The following ANKHD1 variants were observed in gnomAD, a reference collection of about 807,000 sequenced individuals.
The protein encoded by ANKHD1 is ankyrin repeat and KH domain-containing protein 1.
In ANKHD1, 31 loss-of-function variants were observed where a neutral mutation model predicts 230.5. That is an observed-to-expected ratio of 0.13 (90% CI 0.10 to 0.18). ANKHD1 has a LOEUF of 0.18. Among genes scored for constraint, ANKHD1 ranks in the 10% least tolerant of loss-of-function variants. The probability of loss-of-function intolerance (pLI) is 1.00; values close to 1 mark genes in which losing one functional copy is unlikely to be tolerated. For synonymous variants in ANKHD1, 1,074 were observed against 1,117.6 expected, an observed-to-expected ratio of 0.96 and a Z score of 0.78; for missense variants, 2,256 against 3,071.3, an observed-to-expected ratio of 0.73 and a Z score of 6.27.
In ANKHD1 at chr5:140,527,117, C is replaced by A; in HGVS notation, c.5087+43C>A. ...CATCTTTTTAGCTTTCATATATTTTCCCTTTCTCATGTGAGATGGCTACCT... is the reference window on the plus strand; with the variant it reads ...CATCTTTTTAGCTTTCATATATTTTACCTTTCTCATGTGAGATGGCTACCT... On this transcript the variant is annotated intron_variant, in intron 27 of 33. Coordinates refer to ENST00000360839, the MANE Select transcript of ANKHD1 (RefSeq NM_017747.3). The surrounding 1 kb of genome is among the most constrained non-coding windows in gnomAD (Gnocchi z 4.5). 1 of 1,573,350 alleles carries A rather than the reference C, an allele frequency of 6.4e-7. No individual in the cohort carries two copies. The highest frequency in any genetic ancestry group is 1.4e-5 in the African/African-American group (1 of 73,206).
chr5:140,445,621 G>T, intron 5 of ANKHD1, 121 bp from the exon 6 acceptor site: 1 of 960,688 alleles, frequency 1.0e-6, no homozygotes. Context: ...TAGAGCATTA[G>T]CATAATCATA....
intron 7 of ANKHD1, among the ~76,000 whole-genome samples, chr5:140,452,277 A>T (rs1340206052): frequency 6.6e-6 from 1 of 152,248 alleles, no homozygotes; most frequent in African/African-American, 2.4e-5. Flanking sequence ...CTGTCTCTGT[A>T]GACTCCACCT....
At chr5:140,472,049 A>G (rs898177930) in intron 10 of ANKHD1, among the ~76,000 whole-genome samples, 11 of 152,180 alleles carry the variant, frequency 7.2e-5, no homozygotes, top group African/African-American at 2.7e-4. Flanking sequence ...AAAAACCATA[A>G]TATCACCCCC....
chr5:140,532,425 G>A (rs748104002), intron 29 of ANKHD1, among the ~76,000 whole-genome samples: 4 of 151,914 alleles, frequency 2.6e-5, no homozygotes, highest in African/African-American at 9.7e-5. Flanking sequence ...TAGCTTAGGG[G>A]TGCAGAATTT....
At chr5:140,402,357 G>A (rs1026201599) in intron 1 of ANKHD1, 84 bp downstream of exon 1, 4 of 1,375,566 alleles carry the variant, frequency 2.9e-6, no homozygotes, top group Non-Finnish European at 3.7e-6. Context: ...CCATCCTCCC[G>A]CTTCCCTGGT....
Position 140,527,715 on chromosome 5 carries a change from A to G in ANKHD1, c.5088-158A>G, listed in dbSNP as rs1227401698. On this transcript the variant is annotated intron_variant, in intron 27 of 33. Transcript: ENST00000360839. The surrounding 1 kb of genome is among the most constrained non-coding windows in gnomAD (Gnocchi z 4.5). ...TTTACTAAATTCAATTCAATATTAC[A>G]AGAGATCAATTTCTAAAATAAAAAC... Among the ~76,000 whole-genome samples, 1 of 152,246 alleles carries G rather than the reference A, an allele frequency of 6.6e-6. No individual in the cohort carries two copies. The highest frequency in any genetic ancestry group is 1.5e-5 in the Non-Finnish European group (1 of 68,038).
Position 140,524,164 on chromosome 5 carries a change from A to G in ANKHD1, c.4416A>G (p.Glu1472=). Residue 1472 remains glutamate (E), a synonymous_variant, in exon 25 of 34, where the codon GAA becomes GAG. Coordinates refer to ENST00000360839, the MANE Select transcript of ANKHD1 (RefSeq NM_017747.3). ...KKKEEQKRKQ[E]EDEENKPKEN... is the part of the protein sequence containing the mutation. ...AAGAGGAACAGAAAAGGAAACAGGA[A>G]GAAGATGAAGAAAACAAACCTAAGG... 2 of 1,600,718 alleles carry G rather than the reference A, an allele frequency of 1.2e-6. No individual in the cohort carries two copies. Among genetic ancestry groups the G allele is most frequent in the Non-Finnish European group, 1.7e-6 (2 of 1,176,488 alleles).
intron 1 of ANKHD1, among the ~76,000 whole-genome samples, chr5:140,425,904 C>T (rs760828464): frequency 4.6e-5 from 7 of 152,114 alleles, no homozygotes; most frequent in Non-Finnish European, 4.4e-5. Flanking sequence ...GGAACACTGG[C>T]CCATCCTTTT....
At chr5:140,535,752 T>G in intron 30 of ANKHD1, 2 of 637,936 alleles carry the variant, frequency 3.1e-6, no homozygotes, top group Non-Finnish European at 4.4e-6. Context: ...ACAGTAGAAC[T>G]TGGATCAAGA....
intron 10 of ANKHD1, 138 bp from the exon 11 acceptor site, chr5:140,482,442 T>C: frequency 1.2e-6 from 1 of 862,290 alleles, no homozygotes; most frequent in Admixed American, 3.4e-5. Flanking sequence ...AATGGGGGAA[T>C]TGAGGTAGGT....
intron 30 of ANKHD1, chr5:140,535,775 G>A (rs1447515649): frequency 2.4e-6 from 1 of 424,108 alleles, no homozygotes. Context: ...AGAGGTACTA[G>A]GCTGGGTGCA....
intron 5 of ANKHD1, among the ~76,000 whole-genome samples, chr5:140,445,032 A>G (rs991414453): frequency 2.0e-5 from 3 of 151,176 alleles, no homozygotes; most frequent in Non-Finnish European, 4.4e-5. Context: ...GTTTTTTTTT[A>G]GTAGAGATAC....
chr5:140,420,339 C>T lies in ANKHD1; in HGVS notation c.307-15765C>T, dbSNP rs551482749. Among the ~76,000 whole-genome samples, 4 of 152,018 alleles carry T rather than the reference C, an allele frequency of 2.6e-5. No individual in the cohort carries two copies. The East Asian group carries it at 7.8e-4, about 30-fold the overall frequency. On this transcript the variant is annotated intron_variant, in intron 1 of 33. Transcript: ENST00000360839. Reference sequence around the variant, plus strand: ...TGAAGTTTAAAAATTTTGATGACGCCCAATTTATATATTTATCTTTTTGCT... The same window carrying T: ...TGAAGTTTAAAAATTTTGATGACGCTCAATTTATATATTTATCTTTTTGCT...
chr5:140,500,804 A>C (rs1421720523), intron 15 of ANKHD1, among the ~76,000 whole-genome samples: 5 of 152,030 alleles, frequency 3.3e-5, no homozygotes, highest in African/African-American at 9.7e-5. Flanking sequence ...ATTTATCTTT[A>C]AGTATTGTTA....
At chr5:140,531,866 A>G (rs1363978804) in intron 29 of ANKHD1, among the ~76,000 whole-genome samples, 2 of 152,200 alleles carry the variant, frequency 1.3e-5, no homozygotes. Context: ...CAAGCAGATA[A>G]ACAAAATGTG....
intron 29 of ANKHD1, among the ~76,000 whole-genome samples, chr5:140,535,010 G>A (rs1428186620): frequency 6.6e-6 from 1 of 152,154 alleles, no homozygotes; most frequent in African/African-American, 2.4e-5. Flanking sequence ...TTATTGTTGG[G>A]TGCTACTTAG....
intron 7 of ANKHD1, among the ~76,000 whole-genome samples, chr5:140,452,719 C>T (rs1032177169): frequency 2.6e-5 from 4 of 152,186 alleles, no homozygotes; most frequent in East Asian, 1.9e-4. Context: ...CCCATCTGTA[C>T]GTCACCATCA....
intron 11 of ANKHD1, 130 bp downstream of exon 11, chr5:140,482,797 T>G: frequency 1.1e-6 from 1 of 948,772 alleles, no homozygotes; most frequent in Non-Finnish European, 1.5e-6. Flanking sequence ...TTTGTTATTA[T>G]ATTTTATTTA....
At chr5:140,522,682 T>C (rs1468919448) in intron 24 of ANKHD1, among the ~76,000 whole-genome samples, 1 of 152,224 alleles carries the variant, frequency 6.6e-6, no homozygotes, top group African/African-American at 2.4e-5. Context: ...CATGTACCTA[T>C]GGATGGAATT....
Sources: allele counts gnomAD v4.1 joint callset (sites outside exome capture counted in the v4.1 genomes callset), GRCh38; gene constraint gnomAD v4.1.1; non-coding constraint Gnocchi (gnomAD v3.1); transcripts MANE v1.5; gene names NCBI Gene and HGNC (gene_info 2026-07-23, HGNC 2026-07-21).